EMSY: variants seen among roughly 807,000 people sequenced by gnomAD.
The protein encoded by EMSY is BRCA2-interacting transcriptional repressor EMSY.
EMSY carries 26 observed loss-of-function variants against 134.6 expected under a neutral mutation model. The observed-to-expected ratio is 0.19, with a 90% CI of 0.14 to 0.27. The LOEUF is 0.27. Ranked by LOEUF, EMSY falls within the 10% of genes least tolerant of loss-of-function variation. EMSY has a pLI of 1.00. For synonymous variants in EMSY, 579 were observed against 577.8 expected (o/e 1.00, Z -0.03); for missense variants, 1,305 against 1,611.4 (o/e 0.81, Z 3.26).
At chr11:76,545,577 G>C (rs901874944) in intron 19 of EMSY, among the ~76,000 whole-genome samples, 1 of 152,084 alleles carries the variant, frequency 6.6e-6, no homozygotes, top group Non-Finnish European at 1.5e-5. Context: ...ATAAACCTTG[G>C]CTGGCTGAAC....
Position 76,496,321 on chromosome 11 carries a change from A to G in EMSY, c.1215A>G (p.Gln405=), listed in dbSNP as rs188547925. The change falls in exon 9 of 21, where the codon CAA becomes CAG. Residue 405 remains glutamine (Q), a synonymous_variant. Coordinates refer to ENST00000334736, the Ensembl canonical transcript of EMSY. The stretch of plus-strand genomic sequence containing the variant: ...TTGCACAGTTCCCTAAACAACATCA[A>G]CAGTCTCCTAAGCAGCAGTTATATC... 117 of 1,614,156 alleles carry G rather than the reference A, an allele frequency of 7.2e-5. 1 individual carries two copies.
chr11:76,482,616 A>G (rs947609783), intron 8 of EMSY, among the ~76,000 whole-genome samples: 1 of 152,234 alleles, frequency 6.6e-6, no homozygotes, highest in African/African-American at 2.4e-5. Context: ...ACAAGTATCA[A>G]TAGCTGAATC....
At chr11:76,523,849 A>T (rs1950745864) in intron 12 of EMSY, among the ~76,000 whole-genome samples, 1 of 151,452 alleles carries the variant, frequency 6.6e-6, no homozygotes, top group Non-Finnish European at 1.5e-5. Flanking sequence ...GTTCAAGACC[A>T]GCCTTGGCAA....
chr11:76,549,080 A>G (rs991116517), intron 20 of EMSY, among the ~76,000 whole-genome samples: 1 of 152,212 alleles, frequency 6.6e-6, no homozygotes, highest in Non-Finnish European at 1.5e-5. Context: ...TGTAATAGAG[A>G]TGGGGGTGGG....
At chr11:76,455,674 T>A (rs530209709) in intron 4 of EMSY, among the ~76,000 whole-genome samples, 3 of 152,270 alleles carry the variant, frequency 2.0e-5, no homozygotes, top group African/African-American at 4.8e-5. Context: ...ATATCTGGGA[T>A]CAAAGAAAAG....
chr11:76,545,018 G>GA (rs1424160344), intron 19 of EMSY, 196 bp downstream of exon 20: 19 of 648,294 alleles, frequency 2.9e-5, no homozygotes, highest in Non-Finnish European at 4.1e-5. Flanking sequence ...TATGTAGGAA[G>GA]AAAAAAAAGC....
chr11:76,467,818 C>A (rs958977010), intron 7 of EMSY, among the ~76,000 whole-genome samples: 4 of 152,034 alleles, frequency 2.6e-5, no homozygotes, highest in African/African-American at 9.6e-5. Flanking sequence ...CATGGAGAAA[C>A]GCTGTCCCTA....
chr11:76,482,487 A>G (rs997446867), intron 8 of EMSY, among the ~76,000 whole-genome samples: 1 of 152,244 alleles, frequency 6.6e-6, no homozygotes, highest in African/African-American at 2.4e-5. Flanking sequence ...CAATGCAAGG[A>G]AGCTAAGACC....
In EMSY at chr11:76,537,643, T is replaced by C. The variant is rs752176656; in HGVS notation, c.2360-152T>C. 18 of 642,462 alleles carry C rather than the reference T, an allele frequency of 2.8e-5. No individual in the cohort carries two copies. The African/African-American group carries it at 3.0e-4, about 11-fold the overall frequency. The allele number at this position is 642,462 out of a possible 1,614,324, so 39.8% of individuals were successfully genotyped here. On this transcript the variant is annotated intron_variant, in intron 15 of 20. Coordinates refer to ENST00000334736, the Ensembl canonical transcript of EMSY. ...AAGTTGTGCACTAAACAGCCATACA[T>C]AGCAATCTGCTTTTTTCTTTTCAAT...
intron 9 of EMSY, among the ~76,000 whole-genome samples, chr11:76,506,719 G>T (rs1950092423): frequency 6.6e-6 from 1 of 152,156 alleles, no homozygotes; most frequent in Admixed American, 6.5e-5. Flanking sequence ...ATATACTGGT[G>T]GGAAGGGGGC....
intron 8 of EMSY, among the ~76,000 whole-genome samples, chr11:76,483,755 C>T (rs374581424): frequency 6.6e-6 from 1 of 152,124 alleles, no homozygotes. Flanking sequence ...AAAGCAAGTT[C>T]TTAGAGACCT....
chr11:76,518,703 A>ATATATATATATATTTT (rs57143914), intron 11 of EMSY, among the ~76,000 whole-genome samples: 3 of 130,196 alleles, frequency 2.3e-5, no homozygotes, highest in Non-Finnish European at 3.2e-5. Context: ...ATATATATAT[A>ATATATATATATATTTT]TTTTTTTTTT....
At chr11:76,535,364 A>C (rs1951186069) in intron 14 of EMSY, among the ~76,000 whole-genome samples, 1 of 152,172 alleles carries the variant, frequency 6.6e-6, no homozygotes, top group African/African-American at 2.4e-5. Context: ...GGCAGTGAAC[A>C]GGATTTCCTT....
In EMSY at chr11:76,453,311, T is replaced by C; in HGVS notation, c.171-3T>C. 1.2e-6 allele frequency: 2 copies of C among 1,612,022 alleles called. No individual in the cohort carries two copies. The highest frequency in any genetic ancestry group is 1.7e-6 in the Non-Finnish European group (2 of 1,178,762). On this transcript the variant is annotated splice_region_variant and splice_polypyrimidine_tract_variant and intron_variant, in intron 3 of 20. Transcript: ENST00000334736. Reference sequence around the variant, plus strand: ...GTTCTATAATGGCTATTTTTCTTCATAGCATCTCAACAGAACGCCACCGTG... The same window carrying C: ...GTTCTATAATGGCTATTTTTCTTCACAGCATCTCAACAGAACGCCACCGTG...
At chr11:76,545,726 G>A in intron 19 of EMSY, 71 bp from the exon 21 acceptor site, 1 of 1,490,754 alleles carries the variant, frequency 6.7e-7, no homozygotes, top group East Asian at 2.3e-5. Flanking sequence ...TTGCCATATT[G>A]TCTGGGGTGT....
intron 7 of EMSY, among the ~76,000 whole-genome samples, chr11:76,464,772 G>A (rs184323823): frequency 9.1e-4 from 139 of 152,222 alleles, no homozygotes; most frequent in Non-Finnish European, 6.6e-4. Context: ...TGGTGTATGG[G>A]TGGATGGAAA....
At chr11:76,480,336 A>G (rs1266253976) in intron 8 of EMSY, among the ~76,000 whole-genome samples, 2 of 152,196 alleles carry the variant, frequency 1.3e-5, no homozygotes, top group African/African-American at 4.8e-5. Flanking sequence ...CCAGTCTGTT[A>G]TTATGGTAAC....
At chr11:76,488,930 A>G (rs184870906) in intron 8 of EMSY, among the ~76,000 whole-genome samples, 2 of 152,232 alleles carry the variant, frequency 1.3e-5, no homozygotes, top group African/African-American at 4.8e-5. Context: ...TTAGGAAAGA[A>G]AAAATCTTTC....
At chr11:76,524,831 C>A (rs1217655845) in intron 12 of EMSY, among the ~76,000 whole-genome samples, 1 of 152,160 alleles carries the variant, frequency 6.6e-6, no homozygotes, top group Non-Finnish European at 1.5e-5. Flanking sequence ...TGAGACCAGC[C>A]TGAGCAACAT....
Sources: gnomAD v4.1 joint callset for allele counts (sites outside exome capture counted in the v4.1 genomes callset) on GRCh38, gnomAD v4.1.1 for gene constraint, MANE v1.5 for transcripts, NCBI Gene and HGNC (gene_info 2026-07-23, HGNC 2026-07-21) for gene names.